Variants in LGI3 observed in about 807,000 individuals in gnomAD.
The protein encoded by LGI3 is leucine rich repeat LGI family member 3.
In LGI3, 47 loss-of-function variants were observed where a neutral mutation model predicts 55.4. The observed-to-expected ratio is 0.85, with a 90% CI of 0.67 to 1.08. The LOEUF (loss-of-function observed/expected upper bound fraction) is 1.08. Ranked by LOEUF, LGI3 falls within the 50% of genes least tolerant of loss-of-function variation. LGI3 has a pLI of 0.00. For synonymous variants in LGI3, 326 were observed against 315.0 expected (o/e 1.04, Z -0.37); for missense variants, 664 against 726.3 (o/e 0.91, Z 0.99).
At position 22,147,951 on chromosome 8, in the gene LGI3, G is replaced by T; in HGVS notation, c.*209C>A. The T allele has an allele frequency of 1.8e-6, 1 of 558,946 alleles. No individual in the cohort carries two copies. Among genetic ancestry groups the T allele is most frequent in the Admixed American group, 3.5e-5 (1 of 28,494 alleles). 34.6% of individuals were successfully genotyped at this position (558,946 alleles called of 1,614,324 possible). On this transcript the variant is annotated 3_prime_UTR_variant, in exon 8 of 8. Coordinates refer to ENST00000306317, the MANE Select transcript of LGI3 (RefSeq NM_139278.4). ...GGAACTGGGCGTTAGGTGTCCCAGG[G>T]GTGCCTGGTGTTCATGCTGATTGCA...
At chr8:22,155,509 G>A in intron 1 of LGI3, 46 bp from the exon 2 acceptor site, 1 of 1,530,320 alleles carries the variant, frequency 6.5e-7, no homozygotes, top group Non-Finnish European at 9.1e-7. Context: ...CAAGGGCTGT[G>A]CTGAGGCAGG....
In LGI3 at chr8:22,151,662, TGA is replaced by T; in HGVS notation, c.665-11_665-10del. 2 of 1,612,994 alleles carry T rather than the reference TGA, an allele frequency of 1.2e-6. No homozygotes were observed. The highest frequency in any genetic ancestry group is 1.7e-6 in the Non-Finnish European group (2 of 1,179,372). On this transcript the variant is annotated splice_polypyrimidine_tract_variant and intron_variant, in intron 6 of 7. Coordinates refer to ENST00000306317, the MANE Select transcript of LGI3 (RefSeq NM_139278.4). ...CTGGTACAACACAAAATCTGCAAGA[TGA>T]GAGGTGCGTTACTGAAGACCAGAGG...
Position 22,156,486 on chromosome 8 carries a change from C to G in LGI3, c.57G>C (p.Ala19=), listed in dbSNP as rs1239278251. Residue 19 remains alanine, a synonymous_variant, in exon 1 of 8, where the codon GCG becomes GCC. Coordinates refer to ENST00000306317, the MANE Select transcript of LGI3 (RefSeq NM_139278.4). ...CTTGCAGCATGAGGCAGAAGCCGAG[C>G]GCGGAGAGCGCCAGCAGCCCCGGCC... The part of the protein sequence containing the change: ...GPGPGLLALS[A]LGFCLMLQVS... 3 of 1,421,358 alleles carry G rather than the reference C, an allele frequency of 2.1e-6. No individual in the cohort carries two copies. Among genetic ancestry groups the G allele is most frequent in the Non-Finnish European group, 2.8e-6 (3 of 1,088,592 alleles). 88.0% of individuals were successfully genotyped at this position (1,421,358 alleles called of 1,614,324 possible).
chr8:22,152,666 G>A (rs188518071), intron 5 of LGI3, among the ~76,000 whole-genome samples: 8 of 151,760 alleles, frequency 5.3e-5, no homozygotes, highest in East Asian at 1.9e-4. Flanking sequence ...GCTTGAACCC[G>A]GGAGGCAGAG....
In LGI3 at chr8:22,151,669, T is replaced by C; in HGVS notation, c.665-16A>G. 6.2e-7 allele frequency: 1 copy of C among 1,612,232 alleles called. No individual in the cohort carries two copies. On this transcript the variant is annotated splice_polypyrimidine_tract_variant and intron_variant, in intron 6 of 7. Coordinates refer to ENST00000306317, the MANE Select transcript of LGI3 (RefSeq NM_139278.4). Reference sequence around the variant, plus strand: ...AACACAAAATCTGCAAGATGAGAGGTGCGTTACTGAAGACCAGAGGGAGAA... The same window carrying C: ...AACACAAAATCTGCAAGATGAGAGGCGCGTTACTGAAGACCAGAGGGAGAA...
chr8:22,152,462 G>T (rs1046625703), intron 5 of LGI3, among the ~76,000 whole-genome samples: 2 of 152,150 alleles, frequency 1.3e-5, no homozygotes, highest in Non-Finnish European at 2.9e-5. Flanking sequence ...AAAAAGCACA[G>T]GCTGGGCATG....
At position 22,155,344 on chromosome 8, in the gene LGI3, C is replaced by G. The variant is rs201419914; in HGVS notation, c.278+48G>C. 1.1e-5 allele frequency: 17 copies of G among 1,570,532 alleles called. No homozygotes were observed. In the Middle Eastern group the frequency reaches 5.0e-4, roughly 47 times the overall value. ...TCCCCAGCCCAGGATTTGTCCCCTG[C>G]TACCACCCCATAGTTCCCCCAACCC... On this transcript the variant is annotated intron_variant, in intron 2 of 7. Coordinates refer to ENST00000306317, the MANE Select transcript of LGI3 (RefSeq NM_139278.4).
At chr8:22,155,491 G>A in intron 1 of LGI3, 28 bp from the exon 2 acceptor site, 1 of 1,602,940 alleles carries the variant, frequency 6.2e-7, no homozygotes, top group Non-Finnish European at 8.5e-7. Context: ...TCAGTACTGT[G>A]GGGTCTGCAA....
At position 22,147,162 on chromosome 8, in the gene LGI3, C is replaced by G. The variant is rs1299550320; in HGVS notation, c.*998G>C. On this transcript the variant is annotated 3_prime_UTR_variant, in exon 8 of 8. Coordinates refer to ENST00000306317, the MANE Select transcript of LGI3 (RefSeq NM_139278.4). ...GCAGCTCGGCCAGCTCTCTAATCCA[C>G]CCAAGGAGCCCGCCCAGCTCAAGGG... 1 of 152,468 alleles carries G rather than the reference C, an allele frequency of 6.6e-6. No individual in the cohort carries two copies. The highest frequency in any genetic ancestry group is 1.5e-5 in the Non-Finnish European group (1 of 68,252). 9.4% of individuals were successfully genotyped at this position (152,468 alleles called of 1,614,324 possible). A position where few individuals can be genotyped will look rare whatever the true frequency, so the allele number is the denominator to read the frequency against.
In LGI3 at chr8:22,156,446, G is replaced by A. The variant is rs764368839; in HGVS notation, c.97C>T (p.Pro33Ser). The change falls in exon 1 of 8, where the codon CCC becomes TCC. Residue 33 changes from proline (P) to serine (S), a missense_variant. Pro to Ser is a moderately conservative substitution (Grantham distance 74). Transcript: ENST00000306317. ...GGCGGGCAGGGGGGCGTCTTGGGGGGCCTCTTAGCGCTGACTTGCAGCATG... is the reference window on the plus strand; with the variant it reads ...GGCGGGCAGGGGGGCGTCTTGGGGGACCTCTTAGCGCTGACTTGCAGCATG... The part of the protein sequence containing the change: ...CLMLQVSAKR[P>S]PKTPPCPPSC... 18 of 1,551,522 alleles carry A rather than the reference G, an allele frequency of 1.2e-5. No individual in the cohort carries two copies. The highest frequency in any genetic ancestry group is 9.9e-5 in the Admixed American group (5 of 50,380).
At chr8:22,154,863 C>T in intron 2 of LGI3, 1 of 553,040 alleles carries the variant, frequency 1.8e-6, no homozygotes, top group South Asian at 2.2e-5. Context: ...CAAGGCAGAG[C>T]TCTCTTGTCA....
rs1231300712 is a variant in LGI3 at position 22,148,899 on chromosome 8, G to A, written c.908C>T (p.Ser303Phe). The A allele has an allele frequency of 1.2e-6, 2 of 1,614,034 alleles. No homozygotes were observed. The highest frequency in any genetic ancestry group is 1.7e-5 in the Admixed American group (1 of 60,004). The change falls in exon 8 of 8, where the codon TCT becomes TTT. Residue 303 changes from serine to phenylalanine, a missense_variant. By Grantham distance (155) the Ser-to-Phe change is radical. Transcript: ENST00000306317. This position sits in a 1 kb window ranked among gnomAD's most constrained non-coding sequence, Gnocchi z 7.0. ...GTTGGGATCCCAGTGGTAAATGTAA[G>A]AGCCGCCAAACAGCTGGGCCACGAC... ...YVVVAQLFGG[S>F]YIYHWDPNTT...
chr8:22,151,273 G>C (rs1320179157), intron 7 of LGI3, among the ~76,000 whole-genome samples: 1 of 152,128 alleles, frequency 6.6e-6, no homozygotes, highest in South Asian at 2.1e-4. Context: ...TGTGCTGCTA[G>C]AGCATCATGT....
At chr8:22,155,692 A>G (rs1827482227) in intron 1 of LGI3, among the ~76,000 whole-genome samples, 2 of 152,202 alleles carry the variant, frequency 1.3e-5, no homozygotes, top group South Asian at 4.1e-4. Context: ...CCCCAGGCTC[A>G]GCTTCCCTCT....
rs572007865 is a variant in LGI3 at position 22,153,075 on chromosome 8, C to CTT, written c.494+891_494+892dup. 3.7e-4 allele frequency among the ~76,000 whole-genome samples: 47 copies of CTT among 127,898 alleles called. No homozygotes were observed. In the East Asian group the frequency reaches 5.8e-3, roughly 16 times the overall value. 83.9% of individuals were successfully genotyped at this position (127,898 alleles called of 152,430 possible). A position where few individuals can be genotyped will look rare whatever the true frequency, so the allele number is the denominator to read the frequency against. ...AAAAAAAAAAAAATTTTTTAAAGTA[C>CTT]TTTTTTTTTTTTTTTTTTAATATTT... On this transcript the variant is annotated intron_variant, in intron 5 of 7. Transcript: ENST00000306317.
Position 22,148,801 on chromosome 8 carries a change from G to T in LGI3, c.1006C>A (p.Arg336Ser), listed in dbSNP as rs775057367. 2.5e-6 allele frequency: 4 copies of T among 1,614,064 alleles called. No homozygotes were observed. In the African/African-American group the frequency reaches 4.0e-5, roughly 16 times the overall value. Residue 336 changes from arginine (R) to serine (S), a missense_variant, in exon 8 of 8, where the codon CGC becomes AGC. Transcript: ENST00000306317. The surrounding 1 kb of genome is among the most constrained non-coding windows in gnomAD (Gnocchi z 7.0). Reference sequence around the variant, plus strand: ...GCAAAGTACCAGTCACCGTCGATGCGGAAGGCTTCTAGGTCGTTAGGCTTG... The same window carrying T: ...GCAAAGTACCAGTCACCGTCGATGCTGAAGGCTTCTAGGTCGTTAGGCTTG... Reference protein sequence around the residue: ...VRKPNDLEAFRIDGDWYFAVA... With the variant: ...VRKPNDLEAFSIDGDWYFAVA...
chr8:22,151,773 C>T (rs1353993249), intron 6 of LGI3, 58 bp downstream of exon 6: 2 of 1,575,340 alleles, frequency 1.3e-6, no homozygotes, highest in African/African-American at 1.3e-5. Context: ...GGTTTCGTGT[C>T]TGTAAAGCTG....
At position 22,148,587 on chromosome 8, in the gene LGI3, G is replaced by A. The variant is rs1162575125; in HGVS notation, c.1220C>T (p.Thr407Ile). 1 of 1,613,902 alleles carries A rather than the reference G, an allele frequency of 6.2e-7. No individual in the cohort carries two copies. Residue 407 changes from threonine (T) to isoleucine (I), a missense_variant, in exon 8 of 8, where the codon ACC (threonine) becomes ATC (isoleucine). Thr to Ile is a moderately conservative substitution (Grantham distance 89). Transcript: ENST00000306317. This position sits in a 1 kb window ranked among gnomAD's most constrained non-coding sequence, Gnocchi z 7.0. The part of the protein sequence containing the change: ...QAPVIYQWSR[T>I]QKQFVAQGEV... ...ACCCTGGGCCACAAACTGCTTCTGG[G>A]TGCGACTCCACTGATAGATGACGGG...
In LGI3 at chr8:22,155,468, G is replaced by C; in HGVS notation, c.207-5C>G. 1 of 1,613,218 alleles carries C rather than the reference G, an allele frequency of 6.2e-7. No homozygotes were observed. The highest frequency in any genetic ancestry group is 1.1e-5 in the South Asian group (1 of 91,078). On this transcript the variant is annotated splice_polypyrimidine_tract_variant and splice_region_variant and intron_variant, in intron 1 of 7. Coordinates refer to ENST00000306317, the MANE Select transcript of LGI3 (RefSeq NM_139278.4). ...AAGGCGGCATTCACCAGGGTCCTGC[G>C]GGGACACCCGAGTCAGTACTGTGGG...
Sources: gnomAD v4.1 joint callset for allele counts (sites outside exome capture counted in the v4.1 genomes callset) on GRCh38, gnomAD v4.1.1 for gene constraint, Gnocchi (gnomAD v3.1) non-coding constraint, MANE v1.5 for transcripts, NCBI Gene and HGNC (gene_info 2026-07-23, HGNC 2026-07-21) for gene names.